The following BTBD8 variants were observed in gnomAD, a reference collection of about 807,000 sequenced individuals.
The protein encoded by BTBD8 is BTB domain containing 8, also known as BTB/POZ domain-containing protein 8.
Under a neutral mutation model 162.9 loss-of-function variants are expected in BTBD8, and 110 were observed. That is an observed-to-expected ratio of 0.68 (90% CI 0.58 to 0.79). BTBD8 has a LOEUF of 0.79. BTBD8 is among the 30% of genes least tolerant of loss of function. BTBD8 has a pLI of 0.00. For missense variants in BTBD8, 1,905 were observed against 2,085.4 expected, an observed-to-expected ratio of 0.91 and a Z score of 1.68; for synonymous variants, 667 against 716.1, an observed-to-expected ratio of 0.93 and a Z score of 1.10.
At chr1:92,083,578 C>T (rs1224331008) in intron 1 of BTBD8, among the ~76,000 whole-genome samples, 1 of 152,068 alleles carries the variant, frequency 6.6e-6, no homozygotes, top group Non-Finnish European at 1.5e-5. Context: ...ATCAAAGTGA[C>T]AGTAGGTAAG....
At chr1:92,108,045 A>G (rs765167143) in intron 4 of BTBD8, 44 bp downstream of exon 4, 1 of 1,534,998 alleles carries the variant, frequency 6.5e-7, no homozygotes, top group Non-Finnish European at 9.0e-7. Context: ...GTGGCTGTAG[A>G]GTGTGGAAGG....
intron 4 of BTBD8, among the ~76,000 whole-genome samples, chr1:92,120,176 G>A (rs1035205221): frequency 2.6e-5 from 4 of 152,098 alleles, no homozygotes; most frequent in Non-Finnish European, 4.4e-5. Flanking sequence ...ACAGGTGTGA[G>A]CCACCGCGCC....
chr1:92,096,578 T>C (rs1297750832), intron 2 of BTBD8, among the ~76,000 whole-genome samples: 1 of 151,584 alleles, frequency 6.6e-6, no homozygotes, highest in African/African-American at 2.4e-5. Context: ...AGAGATGATA[T>C]TTCATTCTGT....
intron 4 of BTBD8, among the ~76,000 whole-genome samples, chr1:92,108,975 C>T (rs1648815725): frequency 6.6e-6 from 1 of 152,150 alleles, no homozygotes. Flanking sequence ...AATATTTGTA[C>T]TCTTAGAAAT....
chr1:92,134,223 G>A (rs548753815), intron 5 of BTBD8, among the ~76,000 whole-genome samples: 4 of 152,274 alleles, frequency 2.6e-5, no homozygotes, highest in African/African-American at 9.6e-5. Flanking sequence ...TCTCCCTTGA[G>A]AGATTCCTGG....
Position 92,177,523 on chromosome 1 carries a change from A to T in BTBD8, c.2330A>T (p.Asp777Val), listed in dbSNP as rs1260943834. 3 of 1,539,990 alleles carry T rather than the reference A, an allele frequency of 1.9e-6. No individual in the cohort carries two copies. The Admixed American group carries it at 6.2e-5, about 32-fold the overall frequency. Residue 777 changes from aspartate (D) to valine (V), a missense_variant, in exon 14 of 18, where the codon GAT becomes GTT. By Grantham distance (152) the Asp-to-Val change is radical (BLOSUM62 -3). Coordinates refer to ENST00000636805, the MANE Select transcript of BTBD8 (RefSeq NM_001376131.1). ...GGACAGATGATGAAAAACAGTGTAGATAGTGTCAAAAATTCCACTGTAGGT... is the reference window on the plus strand; with the variant it reads ...GGACAGATGATGAAAAACAGTGTAGTTAGTGTCAAAAATTCCACTGTAGGT... ...SPGQMMKNSV[D>V]SVKNSTVAIK...
intron 5 of BTBD8, among the ~76,000 whole-genome samples, chr1:92,134,712 C>T (rs1479013082): frequency 6.6e-6 from 1 of 151,930 alleles, no homozygotes; most frequent in Non-Finnish European, 1.5e-5. Context: ...CTTCTTATAT[C>T]TACAAAGTTT....
In BTBD8 at chr1:92,177,157, C is replaced by T. The variant is rs151044323; in HGVS notation, c.1964C>T (p.Pro655Leu). The T allele has an allele frequency of 6.5e-5, 101 of 1,551,630 alleles. No homozygotes were observed. The East Asian group carries it at 2.3e-3, about 35-fold the overall frequency. Residue 655 changes from proline to leucine, a missense_variant, in exon 14 of 18, where the codon CCT (proline) becomes CTT (leucine). Transcript: ENST00000636805. ...AAGGCACGGTTGGAAAACATGTCAC[C>T]TAGACAAGTTGTAGAAAGATCAGCA... ...GDKARLENMS[P>L]RQVVERSATA...
At position 92,181,293 on chromosome 1, in the gene BTBD8, G is replaced by A; in HGVS notation, c.3610G>A (p.Gly1204Arg). ...DSDVSSKCFSGQLSEKNSPKN... is the reference protein window; with the variant it reads ...DSDVSSKCFSRQLSEKNSPKN... Reference sequence around the variant, plus strand: ...AGATGTATCTTCCAAGTGTTTTTCGGGACAGCTATCAGAAAAAAATTCTCC... The same window carrying A: ...AGATGTATCTTCCAAGTGTTTTTCGAGACAGCTATCAGAAAAAAATTCTCC... Residue 1204 changes from glycine to arginine, a missense_variant, in exon 17 of 18, where the codon GGA (glycine) becomes AGA (arginine). Transcript: ENST00000636805. 6.4e-7 allele frequency: 1 copy of A among 1,551,284 alleles called. No homozygotes were observed.
At position 92,080,499 on chromosome 1, in the gene BTBD8, C is replaced by T; in HGVS notation, c.-73C>T. 2 of 1,577,366 alleles carry T rather than the reference C, an allele frequency of 1.3e-6. No individual in the cohort carries two copies. The highest frequency in any genetic ancestry group is 1.7e-6 in the Non-Finnish European group (2 of 1,167,640). ...GGAGCCGAGCGTTCGGTCGGAAACG[C>T]CCCCTTCTTCCTCCTGGGCGGGGCA... On this transcript the variant is annotated 5_prime_UTR_variant, in exon 1 of 18. Coordinates refer to ENST00000636805, the MANE Select transcript of BTBD8 (RefSeq NM_001376131.1).
At chr1:92,167,219 A>G in intron 10 of BTBD8, 79 bp downstream of exon 10, 1 of 1,487,304 alleles carries the variant, frequency 6.7e-7, no homozygotes, top group Non-Finnish European at 9.0e-7. Flanking sequence ...TTTTAAATGC[A>G]GGTTGCTTTT....
chr1:92,137,159 G>A (rs1405804140), intron 5 of BTBD8, among the ~76,000 whole-genome samples: 2 of 152,162 alleles, frequency 1.3e-5, no homozygotes, highest in African/African-American at 4.8e-5. Context: ...GGGAGAACTG[G>A]AGGTCAGATG....
chr1:92,096,086 C>T (rs902991977), intron 2 of BTBD8, among the ~76,000 whole-genome samples: 1 of 152,048 alleles, frequency 6.6e-6, no homozygotes, highest in African/African-American at 2.4e-5. Flanking sequence ...ATTCTTGTGC[C>T]TCAGTCTCAC....
At chr1:92,170,768 A>G (rs950026546) in intron 12 of BTBD8, among the ~76,000 whole-genome samples, 3 of 152,090 alleles carry the variant, frequency 2.0e-5, no homozygotes, top group South Asian at 2.1e-4. Context: ...CTGACATTCA[A>G]ATTCTTATTT....
chr1:92,151,159 C>T (rs1570746603), intron 9 of BTBD8, among the ~76,000 whole-genome samples: 1 of 151,892 alleles, frequency 6.6e-6, no homozygotes, highest in East Asian at 1.9e-4. Context: ...TCGAGACCAC[C>T]TTGGTCAACA....
intron 4 of BTBD8, among the ~76,000 whole-genome samples, chr1:92,119,465 T>C (rs1649134016): frequency 6.6e-6 from 1 of 151,490 alleles, no homozygotes; most frequent in Non-Finnish European, 1.5e-5. Flanking sequence ...TTTGTATTTT[T>C]TGTAGAGACA....
At chr1:92,130,178 G>A (rs1175806703) in intron 5 of BTBD8, among the ~76,000 whole-genome samples, 1 of 151,962 alleles carries the variant, frequency 6.6e-6, no homozygotes, top group East Asian at 1.9e-4. Flanking sequence ...AGAGTTTTAT[G>A]GTATTTCTTC....
chr1:92,136,127 T>C (rs1391485108), intron 5 of BTBD8, among the ~76,000 whole-genome samples: 1 of 152,212 alleles, frequency 6.6e-6, no homozygotes, highest in East Asian at 1.9e-4. Context: ...TAGGGATCAG[T>C]AAATATTTAT....
chr1:92,142,636 A>G (rs1047842041), intron 7 of BTBD8, among the ~76,000 whole-genome samples: 3 of 152,238 alleles, frequency 2.0e-5, no homozygotes, highest in Non-Finnish European at 4.4e-5. Flanking sequence ...CATGGTCCAC[A>G]GCGAAGGAGG....
Sources: allele counts gnomAD v4.1 joint callset (sites outside exome capture counted in the v4.1 genomes callset), GRCh38; gene constraint gnomAD v4.1.1; transcripts MANE v1.5; gene names NCBI Gene and HGNC (gene_info 2026-07-23, HGNC 2026-07-21).